ATG16L2: variants seen among roughly 807,000 people sequenced by gnomAD.
ATG16L2 encodes the protein protein Atg16l2.
Under a neutral mutation model 84.7 loss-of-function variants are expected in ATG16L2, and 77 were observed. The ratio of observed to expected loss-of-function variants is 0.91; its 90% CI spans 0.76 to 1.10. The LOEUF (loss-of-function observed/expected upper bound fraction) is 1.10. Among genes scored for constraint, ATG16L2 ranks in the 50% least tolerant of loss-of-function variants. The pLI is 0.00. For synonymous variants in ATG16L2, 361 were observed against 342.8 expected, an observed-to-expected ratio of 1.05 and a Z score of -0.59; for missense variants, 782 against 817.6, an observed-to-expected ratio of 0.96 and a Z score of 0.53.
exon 6 of ATG16L2, chr11:72,843,428 G>A (rs1051528858): frequency 4.4e-6 from 7 of 1,605,754 alleles, no homozygotes; most frequent in Admixed American, 3.3e-5. Context: ...AAGAAAGGGC[G>A]ATATGAGCAA....
downstream of ATG16L2, among the ~76,000 whole-genome samples, chr11:72,831,667 C>T (rs932315341): frequency 9.2e-5 from 14 of 152,212 alleles, no homozygotes; most frequent in Admixed American, 7.2e-4. Flanking sequence ...TCTACTGAGG[C>T]CATTCCCGTT....
intron 17 of ATG16L2, 130 bp from the exon 18 acceptor site, chr11:72,829,173 C>A: frequency 8.6e-7 from 1 of 1,162,534 alleles, no homozygotes; most frequent in South Asian, 1.4e-5. Context: ...GCCCTGTGAG[C>A]TAACTTGACA....
At chr11:72,821,420 T>C in intron 3 of ATG16L2, 2 of 1,317,876 alleles carry the variant, frequency 1.5e-6, no homozygotes, top group East Asian at 6.4e-5. Flanking sequence ...CCTAGTAGGG[T>C]CGCAGAGAAA....
rs1417182147 is a variant in ATG16L2, at chr11:72,822,547, A to G, written c.710+4A>G. ...AGCGGACCGTGAGCATCAGCGAGTA[A>G]GAGTGGGGATGGGCCGGTCCGACCC... is the stretch of plus-strand genomic sequence containing the variant. On this transcript the variant is annotated splice_donor_region_variant and intron_variant, in intron 6 of 17. Transcript: ENST00000321297. This position sits in a 1 kb window ranked among gnomAD's most constrained non-coding sequence, Gnocchi z 4.2. 16 of 1,612,658 alleles carry G rather than the reference A, an allele frequency of 9.9e-6. No individual in the cohort carries two copies. The highest frequency in any genetic ancestry group is 1.4e-5 in the Non-Finnish European group (16 of 1,179,414).
At position 72,822,572 on chromosome 11, in the gene ATG16L2, C is replaced by G; in HGVS notation, c.710+29C>G. 6.2e-7 allele frequency: 1 copy of G among 1,605,886 alleles called. No individual in the cohort carries two copies. Among genetic ancestry groups the G allele is most frequent in the Non-Finnish European group, 8.5e-7 (1 of 1,176,510 alleles). On this transcript the variant is annotated intron_variant, in intron 6 of 17. Transcript: ENST00000321297. This position sits in a 1 kb window ranked among gnomAD's most constrained non-coding sequence, Gnocchi z 4.2. The stretch of plus-strand genomic sequence containing the variant: ...AGAGTGGGGATGGGCCGGTCCGACC[C>G]TTGCGTTCTGCCTCCCGCCCCGCCT...
chr11:72,818,585 G>C (rs969138462), intron 3 of ATG16L2: 10 of 152,216 alleles, frequency 6.6e-5, no homozygotes, highest in African/African-American at 2.4e-4. Context: ...ACCGTTTTGA[G>C]AGTTGACTCC....
downstream of ATG16L2, among the ~76,000 whole-genome samples, chr11:72,833,256 G>A (rs757182952): frequency 5.9e-5 from 9 of 152,220 alleles, no homozygotes; most frequent in South Asian, 2.1e-4. Flanking sequence ...ACCATCAGAC[G>A]TGGACCCATC....
downstream of ATG16L2, among the ~76,000 whole-genome samples, chr11:72,831,974 A>C (rs1860616691): frequency 1.3e-5 from 2 of 152,106 alleles, no homozygotes; most frequent in South Asian, 4.1e-4. Context: ...GCCTGCTACC[A>C]CGGGGGTAGA....
intron 3 of ATG16L2, among the ~76,000 whole-genome samples, chr11:72,819,442 A>G (rs528812501): frequency 1.0e-3 from 159 of 152,232 alleles, no homozygotes; most frequent in Non-Finnish European, 1.9e-3. Context: ...AAGACAAGCA[A>G]TACACAAAAC....
Position 72,828,917 on chromosome 11 carries a change from G to C in ATG16L2, c.1705G>C (p.Asp569His). ...DRSYALAGSCDGALYIWDVDT... is the reference protein window; with the variant it reads ...DRSYALAGSCHGALYIWDVDT... ...AAGCTATGCACTGGCAGGCTCCTGT[G>C]ATGGGGCCCTTTACATCTGGGATGT... The change falls in exon 17 of 18, where the codon GAT becomes CAT. Residue 569 changes from aspartate to histidine, a missense_variant. Transcript: ENST00000321297. 1 of 1,614,192 alleles carries C rather than the reference G, an allele frequency of 6.2e-7. No individual in the cohort carries two copies. The highest frequency in any genetic ancestry group is 8.5e-7 in the Non-Finnish European group (1 of 1,180,034).
chr11:72,823,205 T>C (rs377664209), intron 7 of ATG16L2: 37 of 442,178 alleles, frequency 8.4e-5, no homozygotes, highest in African/African-American at 6.8e-4. Context: ...ATCAGAGCTC[T>C]GGGGGTGGGG....
intron 5 of ATG16L2, chr11:72,842,561 C>T: frequency 6.2e-7 from 1 of 1,602,356 alleles, no homozygotes; most frequent in Non-Finnish European, 8.5e-7. Flanking sequence ...GATCCACAGA[C>T]CCTTTGGGAG....
At chr11:72,824,291 C>A in intron 8 of ATG16L2, 169 bp downstream of exon 8, 2 of 749,214 alleles carry the variant, frequency 2.7e-6, no homozygotes, top group South Asian at 1.6e-5. Flanking sequence ...TCAGCCCCGG[C>A]CCCGGTTCAG....
chr11:72,827,203 A>C lies in ATG16L2; in HGVS notation c.1382A>C (p.Asn461Thr), dbSNP rs534527439. ...LGRAYCSRTI[N>T]VLSYCNDVVC... The stretch of plus-strand genomic sequence containing the variant: ...TGGTCCCCAGGCTCCAGGACCATCA[A>C]TGTCCTTTCCTACTGTAATGACGTG... Residue 461 changes from asparagine to threonine, a missense_variant, in exon 14 of 18, where the codon AAT (asparagine) becomes ACT (threonine). By Grantham distance (65) the Asn-to-Thr change is moderately conservative. Coordinates refer to ENST00000321297, the MANE Select transcript of ATG16L2 (RefSeq NM_033388.2). 1 of 1,613,880 alleles carries C rather than the reference A, an allele frequency of 6.2e-7. No homozygotes were observed.
At chr11:72,821,432 G>A in intron 3 of ATG16L2, 2 of 1,343,838 alleles carry the variant, frequency 1.5e-6, no homozygotes, top group South Asian at 1.7e-5. Flanking sequence ...GCAGAGAAAC[G>A]AAGCGGCACG....
chr11:72,816,874 G>GCAGGGC, intron 2 of ATG16L2, 47 bp downstream of exon 2: 4 of 1,501,742 alleles, frequency 2.7e-6, no homozygotes, highest in South Asian at 1.1e-5. Context: ...CTGTGCTGGG[G>GCAGGGC]CCCTGCCCCT....
At position 72,822,877 on chromosome 11, in the gene ATG16L2, G is replaced by A; in HGVS notation, c.740G>A (p.Arg247Lys). ...CCGGACACCCTAGGCGATGGGATGA[G>A]GGAGAGAAGGGAGACTCTGGCTCTG... ...EGPDTLGDGM[R>K]ERRETLALAP... The change falls in exon 7 of 18, where the codon AGG (arginine) becomes AAG (lysine). Residue 247 changes from arginine to lysine, a missense_variant. Transcript: ENST00000321297. This position sits in a 1 kb window ranked among gnomAD's most constrained non-coding sequence, Gnocchi z 4.2. 1 of 1,572,848 alleles carries A rather than the reference G, an allele frequency of 6.4e-7. No individual in the cohort carries two copies. The highest frequency in any genetic ancestry group is 1.3e-5 in the African/African-American group (1 of 74,262).
intron 2 of ATG16L2, among the ~76,000 whole-genome samples, 197 bp downstream of exon 2, chr11:72,817,024 T>G (rs965894063): frequency 4.6e-5 from 7 of 152,068 alleles, no homozygotes; most frequent in Non-Finnish European, 8.8e-5. Context: ...CTGTTTAGAA[T>G]CTCTTTCCCC....
chr11:72,817,381 C>T (rs959017368), intron 2 of ATG16L2, among the ~76,000 whole-genome samples: 4 of 152,136 alleles, frequency 2.6e-5, no homozygotes, highest in African/African-American at 4.8e-5. Flanking sequence ...CCACCACCCC[C>T]GGCTAATATT....
Sources: allele counts gnomAD v4.1 joint callset (sites outside exome capture counted in the v4.1 genomes callset), GRCh38; gene constraint gnomAD v4.1.1; non-coding constraint Gnocchi (gnomAD v3.1); transcripts MANE v1.5; gene names NCBI Gene and HGNC (gene_info 2026-07-23, HGNC 2026-07-21).